PTPRM: variants seen among roughly 807,000 people sequenced by gnomAD.
PTPRM encodes the protein receptor-type tyrosine-protein phosphatase mu.
A neutral mutation model predicts 186.7 loss-of-function variants in PTPRM; 47 were observed. That is an observed-to-expected ratio of 0.25 (90% CI 0.20 to 0.32). The LOEUF is 0.32. Among genes scored for constraint, PTPRM ranks in the 10% least tolerant of loss-of-function variants. The pLI is 1.00. For synonymous variants in PTPRM, 668 were observed against 674.9 expected, an observed-to-expected ratio of 0.99 and a Z score of 0.16; for missense variants, 1,494 against 1,865.0, an observed-to-expected ratio of 0.80 and a Z score of 3.66.
At chr18:7,633,560 G>A (rs2038240775) in intron 1 of PTPRM, among the ~76,000 whole-genome samples, 2 of 152,076 alleles carry the variant, frequency 1.3e-5, no homozygotes, top group Admixed American at 1.3e-4. Flanking sequence ...GAATCCCCAT[G>A]TTGTCACCTG....
intron 19 of PTPRM, among the ~76,000 whole-genome samples, chr18:8,282,377 CAG>C: frequency 6.6e-6 from 1 of 152,148 alleles, no homozygotes; most frequent in Admixed American, 6.6e-5. Flanking sequence ...AAAACTAAAA[CAG>C]ATGCCAGGCG....
intron 7 of PTPRM, among the ~76,000 whole-genome samples, chr18:8,032,122 A>C (rs535806069): frequency 1.3e-5 from 2 of 152,318 alleles, no homozygotes; most frequent in South Asian, 4.1e-4. Flanking sequence ...TAAAACTGTT[A>C]CAAGAGTCCA....
intron 6 of PTPRM, among the ~76,000 whole-genome samples, chr18:7,954,820 AC>A (rs1360523808): frequency 6.6e-6 from 1 of 152,206 alleles, no homozygotes; most frequent in Non-Finnish European, 1.5e-5. Flanking sequence ...ATTCACCATT[AC>A]AAAAAGTATC....
chr18:8,053,316 C>T (rs2087646548), intron 7 of PTPRM, among the ~76,000 whole-genome samples: 1 of 152,020 alleles, frequency 6.6e-6, no homozygotes, highest in Non-Finnish European at 1.5e-5. Context: ...TTTCTTTGCC[C>T]TGTAATCAGA....
chr18:8,346,471 G>T (rs1216764133), intron 23 of PTPRM, among the ~76,000 whole-genome samples: 1 of 152,158 alleles, frequency 6.6e-6, no homozygotes, highest in Non-Finnish European at 1.5e-5. Context: ...TTGGGTGAGG[G>T]CCCCACCTTA....
chr18:7,801,096 C>T (rs2043941111), intron 2 of PTPRM, among the ~76,000 whole-genome samples: 1 of 152,072 alleles, frequency 6.6e-6, no homozygotes, highest in African/African-American at 2.4e-5. Flanking sequence ...TGCACTTAGG[C>T]TGCATTAAAT....
In PTPRM at chr18:8,239,187, T is replaced by C. The variant is rs1432972987; in HGVS notation, c.2301-4871T>C. On this transcript the variant is annotated intron_variant, in intron 14 of 32. Coordinates refer to ENST00000580170, the MANE Select transcript of PTPRM (RefSeq NM_001105244.2). Reference sequence around the variant, plus strand: ...GAGTCCCCAGAGTGTGATGTTCCCCTTCCTGTCTCCATGTGTTCTCATTGT... The same window carrying C: ...GAGTCCCCAGAGTGTGATGTTCCCCCTCCTGTCTCCATGTGTTCTCATTGT... Among the ~76,000 whole-genome samples the C allele has an allele frequency of 7.4e-5, 9 of 121,456 alleles. No individual in the cohort carries two copies. The Admixed American group carries it at 7.5e-4, about 10-fold the overall frequency. 79.7% of individuals were successfully genotyped at this position (121,456 alleles called of 152,430 possible). A position where few individuals can be genotyped will look rare whatever the true frequency, so the allele number is the denominator to read the frequency against.
chr18:7,775,991 A>G (rs2042563168), intron 2 of PTPRM, among the ~76,000 whole-genome samples: 1 of 152,224 alleles, frequency 6.6e-6, no homozygotes. Flanking sequence ...CGTTAAAAAA[A>G]TGGTAGTAAA....
At chr18:8,079,815 A>G (rs2090030094) in intron 9 of PTPRM, among the ~76,000 whole-genome samples, 1 of 152,148 alleles carries the variant, frequency 6.6e-6, no homozygotes, top group African/African-American at 2.4e-5. Flanking sequence ...TGAATGATGA[A>G]AGATACCATG....
In PTPRM at chr18:7,782,041, C is replaced by A. The variant is rs148591936; in HGVS notation, c.196+7770C>A. ...TTATATGGTGAATGATGAGACAAAG[C>A]AAAATAAATTGGACTGGAGTTGTAG... On this transcript the variant is annotated intron_variant, in intron 2 of 32. Transcript: ENST00000580170. Among the ~76,000 whole-genome samples, 80 of 152,222 alleles carry A rather than the reference C, an allele frequency of 5.3e-4. 1 individual carries two copies. The East Asian group carries it at 0.013, about 25-fold the overall frequency.
At chr18:8,208,675 AT>A (rs1193426826) in intron 14 of PTPRM, among the ~76,000 whole-genome samples, 2 of 152,156 alleles carry the variant, frequency 1.3e-5, no homozygotes, top group East Asian at 3.9e-4. Flanking sequence ...CCCTGAGCTA[AT>A]TTTTTAAAAA....
intron 13 of PTPRM, among the ~76,000 whole-genome samples, chr18:8,128,679 G>C (rs188141189): frequency 8.3e-4 from 127 of 152,154 alleles, no homozygotes; most frequent in African/African-American, 3.0e-3. Flanking sequence ...GAGGGATGCT[G>C]TTGCTTTTTT....
rs572999302 is a variant in PTPRM, at chr18:8,137,706, C to A, written c.2168-5941C>A. ...ATCACCCCCAGCCCCTGCTCCAGACCCTGCCCTTGAAGCTAGTATGTGACT... is the reference window on the plus strand; with the variant it reads ...ATCACCCCCAGCCCCTGCTCCAGACACTGCCCTTGAAGCTAGTATGTGACT... On this transcript the variant is annotated intron_variant, in intron 13 of 32. Coordinates refer to ENST00000580170, the MANE Select transcript of PTPRM (RefSeq NM_001105244.2). 2.0e-3 allele frequency among the ~76,000 whole-genome samples: 312 copies of A among 152,270 alleles called. 5 individuals are homozygous for A. Among genetic ancestry groups the A allele is most frequent in the Non-Finnish European group, 1.8e-3 (125 of 68,018 alleles).
At chr18:8,198,275 T>A (rs1222417239) in intron 14 of PTPRM, among the ~76,000 whole-genome samples, 1 of 152,122 alleles carries the variant, frequency 6.6e-6, no homozygotes, top group Non-Finnish European at 1.5e-5. Context: ...GCCTCCCAAG[T>A]AGCTGGGACC....
intron 2 of PTPRM, among the ~76,000 whole-genome samples, chr18:7,794,710 C>A (rs112471356): frequency 1.3e-5 from 2 of 152,062 alleles, no homozygotes; most frequent in African/African-American, 2.4e-5. Flanking sequence ...TTGTGAGTAG[C>A]GTAACTATAT....
intron 14 of PTPRM, among the ~76,000 whole-genome samples, chr18:8,177,815 G>T (rs2146539053): frequency 6.6e-6 from 1 of 152,278 alleles, no homozygotes; most frequent in Admixed American, 6.5e-5. Context: ...TAGATCTGGG[G>T]TTGTACATAT....
chr18:7,877,465 A>T (rs1034834930), intron 2 of PTPRM, among the ~76,000 whole-genome samples: 1 of 152,214 alleles, frequency 6.6e-6, no homozygotes, highest in African/African-American at 2.4e-5. Context: ...GAACTCTGTT[A>T]TCTTGTCTTC....
chr18:8,055,055 C>A (rs1343009807), intron 7 of PTPRM, among the ~76,000 whole-genome samples: 2 of 152,084 alleles, frequency 1.3e-5, no homozygotes, highest in East Asian at 1.9e-4. Context: ...CTTTTGAGAT[C>A]ATCTCTTTGA....
chr18:7,879,736 A>G (rs1206898899), intron 2 of PTPRM, among the ~76,000 whole-genome samples: 1 of 152,132 alleles, frequency 6.6e-6, no homozygotes, highest in Admixed American at 6.6e-5. Context: ...TGTAGCACCT[A>G]GATTCATGTG....
Sources: gnomAD v4.1 joint callset for allele counts (sites outside exome capture counted in the v4.1 genomes callset) on GRCh38, gnomAD v4.1.1 for gene constraint, MANE v1.5 for transcripts, NCBI Gene and HGNC (gene_info 2026-07-23, HGNC 2026-07-21) for gene names.